Variants in TUBA1C observed in about 807,000 individuals in gnomAD.
The protein encoded by TUBA1C is tubulin alpha-1C chain.
Under a neutral mutation model 34.9 loss-of-function variants are expected in TUBA1C, and 16 were observed. The ratio of observed to expected loss-of-function variants is 0.46; its 90% confidence interval spans 0.31 to 0.70. The LOEUF (loss-of-function observed/expected upper bound fraction) is 0.70. TUBA1C is among the 30% of genes least tolerant of loss of function. The pLI, the probability that TUBA1C is intolerant of heterozygous loss-of-function variation, is 0.05. For synonymous variants in TUBA1C, 177 were observed against 215.9 expected (o/e 0.82, Z 1.58); for missense variants, 329 against 587.3 (o/e 0.56, Z 4.55).
rs1565652338 is a variant in TUBA1C, at chr12:49,273,264, A to C, written c.*37A>C. On this transcript the variant is annotated 3_prime_UTR_variant, in exon 4 of 4. Coordinates refer to ENST00000301072, the MANE Select transcript of TUBA1C (RefSeq NM_032704.5). ...TACTTTTACACTCCTTTGTCTTGGA[A>C]CTGTCTTATTTTTGTTCTGTAAATG... The C allele has an allele frequency of 6.2e-7, 1 of 1,614,018 alleles. No individual in the cohort carries two copies. The highest frequency in any genetic ancestry group is 2.2e-5 in the East Asian group (1 of 44,880).
At chr12:49,250,285 G>T (rs1942719810) in intron 1 of TUBA1C, among the ~76,000 whole-genome samples, 1 of 152,130 alleles carries the variant, frequency 6.6e-6, no homozygotes, top group South Asian at 2.1e-4. Flanking sequence ...AGCACTTTGG[G>T]AGGCCCAGGC....
rs1184892158 is a variant in TUBA1C, at chr12:49,273,102, G to A, written c.1225G>A (p.Val409Met). 3.7e-6 allele frequency: 6 copies of A among 1,614,088 alleles called. No homozygotes were observed. Among genetic ancestry groups the A allele is most frequent in the East Asian group, 2.2e-5 (1 of 44,894 alleles). ...YAKRAFVHWY[V>M]GEGMEEGEFS... ...CAAGCGTGCCTTTGTTCACTGGTAC[G>A]TGGGTGAGGGGATGGAGGAAGGCGA... The change falls in exon 4 of 4, where the codon GTG becomes ATG. Residue 409 changes from valine to methionine, a missense_variant. Physicochemically the swap from Val to Met is conservative, Grantham distance 21. Coordinates refer to ENST00000301072, the MANE Select transcript of TUBA1C (RefSeq NM_032704.5).
intron 1 of TUBA1C, among the ~76,000 whole-genome samples, chr12:49,244,606 C>A (rs1029107973): frequency 6.6e-6 from 1 of 151,706 alleles, no homozygotes; most frequent in African/African-American, 2.4e-5. Context: ...TCTTGTTGCC[C>A]AGGCTGGAGT....
chr12:49,274,324 G>A lies in TUBA1C; in HGVS notation c.*1097G>A, dbSNP rs1404856021. On this transcript the variant is annotated 3_prime_UTR_variant, in exon 4 of 4. Coordinates refer to ENST00000301072, the MANE Select transcript of TUBA1C (RefSeq NM_032704.5). Reference sequence around the variant, plus strand: ...TTTTTTTTTTTTTTTTGGTAGAGATGGGGTTTTGCCATGTTGCTTAGGCTG... The same window carrying A: ...TTTTTTTTTTTTTTTTGGTAGAGATAGGGTTTTGCCATGTTGCTTAGGCTG... The A allele has an allele frequency of 7.0e-5, 8 of 114,264 alleles. No homozygotes were observed. Among genetic ancestry groups the A allele is most frequent in the Non-Finnish European group, 1.3e-4 (8 of 59,340 alleles). The allele number at this position is 114,264 out of a possible 1,614,324, so 7.1% of individuals were successfully genotyped here.
chr12:49,263,338 T>A (rs1032257389), upstream of TUBA1C, among the ~76,000 whole-genome samples: 5 of 151,844 alleles, frequency 3.3e-5, no homozygotes, highest in African/African-American at 1.2e-4. Flanking sequence ...TTCTTCCCTA[T>A]CCCACTCCCA....
chr12:49,231,682 T>C (rs980510295), intron 1 of TUBA1C, among the ~76,000 whole-genome samples: 4 of 151,652 alleles, frequency 2.6e-5, no homozygotes, highest in African/African-American at 9.7e-5. Context: ...AAAAAATAGA[T>C]GATAGATAGA....
chr12:49,240,006 T>C (rs1032211493), intron 1 of TUBA1C, among the ~76,000 whole-genome samples: 1 of 148,896 alleles, frequency 6.7e-6, no homozygotes, highest in African/African-American at 2.5e-5. Context: ...GCTTGTTTGC[T>C]AGGAGGGTGC....
chr12:49,245,000 A>G (rs1942652892), intron 1 of TUBA1C, among the ~76,000 whole-genome samples: 1 of 152,206 alleles, frequency 6.6e-6, no homozygotes, highest in African/African-American at 2.4e-5. Context: ...CTCATCAAGT[A>G]CACAGTGACT....
In TUBA1C at chr12:49,246,821, G is replaced by A. The variant is rs532890576; in HGVS notation, c.213+18655G>A. 1.7e-4 allele frequency among the ~76,000 whole-genome samples: 26 copies of A among 152,204 alleles called. 1 individual carries two copies. In the East Asian group the frequency reaches 3.9e-3, roughly 23 times the overall value. ...TCAACCAGGAGGCTACTCAGACACA[G>A]GGGGCAACCCCTAGGAAGCCAGACT... On this transcript the variant is annotated intron_variant, in intron 1 of 3. Coordinates refer to the TUBA1C transcript ENST00000541364.
chr12:49,256,858 G>A (rs978762439), intron 1 of TUBA1C, among the ~76,000 whole-genome samples: 1 of 152,104 alleles, frequency 6.6e-6, no homozygotes, highest in South Asian at 2.1e-4. Flanking sequence ...ATATAAAAGT[G>A]GTTCTATATT....
At chr12:49,249,254 C>G (rs1942707944) in intron 1 of TUBA1C, among the ~76,000 whole-genome samples, 1 of 151,958 alleles carries the variant, frequency 6.6e-6, no homozygotes, top group Non-Finnish European at 1.5e-5. Context: ...ATAGACAAAC[C>G]CCGTCTCCAC....
chr12:49,240,296 GAA>G (rs201018194), intron 1 of TUBA1C, among the ~76,000 whole-genome samples: 27 of 81,950 alleles, frequency 3.3e-4, no homozygotes, highest in African/African-American at 8.9e-4. Context: ...ACCATTCTCT[GAA>G]AAAAAAAAAA....
In TUBA1C at chr12:49,273,366, A is replaced by G; in HGVS notation, c.*139A>G. 1.3e-6 allele frequency: 2 copies of G among 1,509,062 alleles called. No homozygotes were observed. Among genetic ancestry groups the G allele is most frequent in the Middle Eastern group, 2.0e-4 (1 of 5,112 alleles). The allele number at this position is 1,509,062 out of a possible 1,614,324, so 93.5% of individuals were successfully genotyped here. On this transcript the variant is annotated 3_prime_UTR_variant, in exon 4 of 4. Coordinates refer to ENST00000301072, the MANE Select transcript of TUBA1C (RefSeq NM_032704.5). ...GCTGACTTAAATACTTGATCCAGTT[A>G]AAGTTGGATGTATGAGGCTGGTAGA...
intron 1 of TUBA1C, among the ~76,000 whole-genome samples, chr12:49,266,667 G>A (rs1391378265): frequency 6.6e-6 from 1 of 151,994 alleles, no homozygotes; most frequent in Non-Finnish European, 1.5e-5. Flanking sequence ...TGGGCAACAC[G>A]GTGAAACTCC....
chr12:49,272,029 C>T (rs1942998076), intron 3 of TUBA1C, among the ~76,000 whole-genome samples: 1 of 151,280 alleles, frequency 6.6e-6, no homozygotes, highest in African/African-American at 2.4e-5. Context: ...GTGCAGTGGC[C>T]TGATCATCAG....
intron 3 of TUBA1C, among the ~76,000 whole-genome samples, chr12:49,270,369 T>A (rs1942974996): frequency 6.6e-6 from 1 of 152,220 alleles, no homozygotes; most frequent in Non-Finnish European, 1.5e-5. Context: ...AAACAGCCAA[T>A]ACTGGAAACT....
intron 1 of TUBA1C, among the ~76,000 whole-genome samples, chr12:49,265,810 T>A (rs1486855588): frequency 6.6e-6 from 1 of 152,130 alleles, no homozygotes; most frequent in Non-Finnish European, 1.5e-5. Context: ...AGCTGAAGCT[T>A]TCTACTTAAG....
chr12:49,258,951 G>A (rs1942814861), intron 1 of TUBA1C, among the ~76,000 whole-genome samples: 1 of 151,512 alleles, frequency 6.6e-6, no homozygotes, highest in African/African-American at 2.4e-5. Flanking sequence ...TAGAGACGGG[G>A]TTTCTCCGTG....
chr12:49,270,046 T>C, intron 3 of TUBA1C, 70 bp downstream of exon 3: 1 of 1,613,780 alleles, frequency 6.2e-7, no homozygotes, highest in Non-Finnish European at 8.5e-7. Context: ...ACTACAGAAA[T>C]CATTCTTTGC....
Sources: gnomAD v4.1 joint callset for allele counts (sites outside exome capture counted in the v4.1 genomes callset) on GRCh38, gnomAD v4.1.1 for gene constraint, MANE v1.5 for transcripts, NCBI Gene and HGNC (gene_info 2026-07-23, HGNC 2026-07-21) for gene names.